The following ATRNL1 variants were observed in gnomAD, a reference collection of about 807,000 sequenced individuals.
The protein encoded by ATRNL1 is attractin-like protein 1.
A neutral mutation model predicts 182.7 loss-of-function variants in ATRNL1; 95 were observed. That is an observed-to-expected ratio of 0.52 (90% CI 0.44 to 0.62). The LOEUF (loss-of-function observed/expected upper bound fraction) is 0.62. ATRNL1 is among the 20% of genes least tolerant of loss of function. ATRNL1 has a pLI of 0.00. For missense variants in ATRNL1, 1,471 were observed against 1,679.5 expected (o/e 0.88, Z 2.17); for synonymous variants, 576 against 568.3 (o/e 1.01, Z -0.19).
At chr10:115,282,652 G>A (rs1554917322) in intron 14 of ATRNL1, among the ~76,000 whole-genome samples, 1 of 152,078 alleles carries the variant, frequency 6.6e-6, no homozygotes, top group Non-Finnish European at 1.5e-5. Flanking sequence ...CATTTAACCA[G>A]TTCTGCTTGT....
At chr10:115,726,456 T>C (rs1225453118) in intron 26 of ATRNL1, among the ~76,000 whole-genome samples, 5 of 152,208 alleles carry the variant, frequency 3.3e-5, no homozygotes, top group Admixed American at 3.3e-4. Flanking sequence ...CTAGTGCTGG[T>C]CATCAATTTT....
At chr10:115,840,331 A>G (rs1005764963) in intron 27 of ATRNL1, among the ~76,000 whole-genome samples, 7 of 152,292 alleles carry the variant, frequency 4.6e-5, no homozygotes, top group Admixed American at 2.0e-4. Flanking sequence ...AATATGGTCT[A>G]TGTCCTCAGA....
chr10:115,529,968 T>TA (rs1565135476), intron 25 of ATRNL1, among the ~76,000 whole-genome samples: 1 of 152,178 alleles, frequency 6.6e-6, no homozygotes, highest in Non-Finnish European at 1.5e-5. Context: ...ACATCTTATA[T>TA]AAATGGAATC....
chr10:115,332,870 G>A (rs73363470), intron 18 of ATRNL1, among the ~76,000 whole-genome samples: 3,942 of 151,522 alleles, frequency 0.026, 170 homozygotes, highest in African/African-American at 0.089. Flanking sequence ...TGTTTCTGTC[G>A]TTGATTAGCT....
intron 24 of ATRNL1, among the ~76,000 whole-genome samples, chr10:115,510,720 A>G (rs1319484529): frequency 6.6e-6 from 1 of 152,028 alleles, no homozygotes; most frequent in Non-Finnish European, 1.5e-5. Flanking sequence ...ATATGCCTGT[A>G]CTGTTATTTG....
chr10:115,420,763 A>T (rs182701010), intron 20 of ATRNL1, among the ~76,000 whole-genome samples: 3 of 152,120 alleles, frequency 2.0e-5, no homozygotes, highest in Admixed American at 2.0e-4. Context: ...GAAAATGAAG[A>T]GTTGGTTTTT....
chr10:115,935,660 T>G (rs561521167), intron 28 of ATRNL1, among the ~76,000 whole-genome samples: 85 of 152,230 alleles, frequency 5.6e-4, no homozygotes, highest in African/African-American at 1.9e-3. Context: ...ATCTGTGACA[T>G]CAGGACAAAA....
chr10:115,697,878 A>G (rs189678597), intron 26 of ATRNL1, among the ~76,000 whole-genome samples: 236 of 152,258 alleles, frequency 1.5e-3, no homozygotes, highest in African/African-American at 5.4e-3. Context: ...GTTGTAAATT[A>G]AAATAGATGA....
intron 27 of ATRNL1, among the ~76,000 whole-genome samples, chr10:115,762,125 G>A (rs541293031): frequency 6.6e-6 from 1 of 152,240 alleles, no homozygotes; most frequent in African/African-American, 2.4e-5. Flanking sequence ...CATGAACTCT[G>A]GGGAATATGA....
intron 21 of ATRNL1, among the ~76,000 whole-genome samples, chr10:115,454,046 C>G: frequency 6.6e-6 from 1 of 151,998 alleles, no homozygotes; most frequent in East Asian, 1.9e-4. Context: ...TCAGGTTTTA[C>G]ATGTAAGTCT....
intron 28 of ATRNL1, among the ~76,000 whole-genome samples, chr10:115,902,082 G>C (rs1279174250): frequency 6.6e-6 from 1 of 152,140 alleles, no homozygotes; most frequent in Non-Finnish European, 1.5e-5. Flanking sequence ...TACAGCCTTT[G>C]TTTTAATAAG....
chr10:115,868,880 A>T (rs1951506309), intron 28 of ATRNL1, among the ~76,000 whole-genome samples: 1 of 112,028 alleles, frequency 8.9e-6, no homozygotes, highest in Non-Finnish European at 1.7e-5. Flanking sequence ...CCCAGGCTGG[A>T]GTGCAGTGGC....
chr10:115,787,909 A>C (rs1555080751), intron 27 of ATRNL1, among the ~76,000 whole-genome samples: 1 of 152,200 alleles, frequency 6.6e-6, no homozygotes, highest in African/African-American at 2.4e-5. Context: ...GAAAAGAAAA[A>C]GGCAATATGA....
rs536815518 is a variant in ATRNL1 at position 115,138,086 on chromosome 10, G to A, written c.829+8551G>A. Among the ~76,000 whole-genome samples, 14 of 152,328 alleles carry A rather than the reference G, an allele frequency of 9.2e-5. No homozygotes were observed. The South Asian group carries it at 2.5e-3, about 27-fold the overall frequency. Reference sequence around the variant, plus strand: ...CAGTCAAACCTTAAAGCTCCAAAATGATCTCCTTTGACTCCAGGTCTCACA... The same window carrying A: ...CAGTCAAACCTTAAAGCTCCAAAATAATCTCCTTTGACTCCAGGTCTCACA... On this transcript the variant is annotated intron_variant, in intron 5 of 28. Transcript: ENST00000355044.
chr10:115,301,246 G>C (rs919589507), intron 16 of ATRNL1, among the ~76,000 whole-genome samples: 1 of 151,926 alleles, frequency 6.6e-6, no homozygotes, highest in Non-Finnish European at 1.5e-5. Context: ...CACTTCTTTG[G>C]GGTATATATA....
intron 21 of ATRNL1, among the ~76,000 whole-genome samples, chr10:115,440,937 A>G (rs1846642615): frequency 6.6e-6 from 1 of 151,958 alleles, no homozygotes; most frequent in African/African-American, 2.4e-5. Flanking sequence ...GCACCAGCTA[A>G]TAATTTTACC....
At chr10:115,361,054 G>A (rs1856723342) in intron 19 of ATRNL1, among the ~76,000 whole-genome samples, 1 of 151,922 alleles carries the variant, frequency 6.6e-6, no homozygotes, top group Non-Finnish European at 1.5e-5. Context: ...CTTCATCACT[G>A]TAAAGGTGCT....
intron 15 of ATRNL1, among the ~76,000 whole-genome samples, chr10:115,296,369 C>A (rs1853192177): frequency 6.6e-6 from 1 of 152,176 alleles, no homozygotes; most frequent in African/African-American, 2.4e-5. Flanking sequence ...TCAATCCTCT[C>A]TTGTGGTAGG....
At chr10:115,330,222 G>A (rs1855137286) in intron 18 of ATRNL1, among the ~76,000 whole-genome samples, 2 of 151,858 alleles carry the variant, frequency 1.3e-5, no homozygotes, top group South Asian at 4.1e-4. Flanking sequence ...ATCTTATATT[G>A]TTTATCCCTT....
Sources: gnomAD v4.1 joint callset for allele counts (sites outside exome capture counted in the v4.1 genomes callset) on GRCh38, gnomAD v4.1.1 for gene constraint, MANE v1.5 for transcripts, NCBI Gene and HGNC (gene_info 2026-07-23, HGNC 2026-07-21) for gene names.